Variants in SGCD observed in about 807,000 individuals in gnomAD.
SGCD encodes the protein sarcoglycan delta, also known as delta-sarcoglycan.
SGCD carries 18 observed loss-of-function variants against 36.6 expected under a neutral mutation model. That is an observed-to-expected ratio of 0.49 (90% CI 0.34 to 0.73). The LOEUF is 0.73. Among genes scored for constraint, SGCD ranks in the 30% least tolerant of loss-of-function variants. The probability of loss-of-function intolerance (pLI) is 0.01; values close to 1 mark genes in which losing one functional copy is unlikely to be tolerated. For synonymous variants in SGCD, 133 were observed against 130.6 expected, an observed-to-expected ratio of 1.02 and a Z score of -0.12; for missense variants, 387 against 346.7, an observed-to-expected ratio of 1.12 and a Z score of -0.92.
chr5:156,082,681 G>A (rs1185560602), intron 1 of SGCD, among the ~76,000 whole-genome samples: 3 of 152,134 alleles, frequency 2.0e-5, no homozygotes, highest in South Asian at 4.1e-4. Context: ...CAAGTACAAT[G>A]AATATTCGTG....
chr5:156,200,367 T>C (rs906431613), intron 3 of SGCD, among the ~76,000 whole-genome samples: 20 of 152,056 alleles, frequency 1.3e-4, no homozygotes, highest in African/African-American at 4.6e-4. Flanking sequence ...CCTTTGCATA[T>C]ATGGGCAAAT....
At chr5:156,532,138 A>G (rs913923486) in intron 4 of SGCD, among the ~76,000 whole-genome samples, 16 of 152,224 alleles carry the variant, frequency 1.1e-4, no homozygotes, top group African/African-American at 3.9e-4. Context: ...AAAGGTATGG[A>G]CACTAAAACT....
intron 3 of SGCD, among the ~76,000 whole-genome samples, chr5:156,186,657 G>C (rs901630943): frequency 1.3e-5 from 2 of 152,150 alleles, no homozygotes; most frequent in South Asian, 4.1e-4. Context: ...GAGTTATGCT[G>C]CTTTCTTGGG....
intron 3 of SGCD, among the ~76,000 whole-genome samples, chr5:156,290,910 C>T (rs182873237): frequency 6.6e-6 from 1 of 152,192 alleles, no homozygotes; most frequent in East Asian, 1.9e-4. Context: ...AAATTTTAGG[C>T]TTTGTTGGAC....
At chr5:156,637,677 G>A (rs1201918562) in intron 6 of SGCD, among the ~76,000 whole-genome samples, 1 of 152,010 alleles carries the variant, frequency 6.6e-6, no homozygotes, top group Non-Finnish European at 1.5e-5. Context: ...ATAATACTAG[G>A]ATTTTCTTGG....
chr5:155,942,360 A>ATCTATCTATCTG (rs1159223438), intron 1 of SGCD, among the ~76,000 whole-genome samples: 1 of 151,784 alleles, frequency 6.6e-6, no homozygotes, highest in East Asian at 1.9e-4. Context: ...CTATCTATCT[A>ATCTATCTATCTG]TCTATTGTCT....
At chr5:156,618,187 G>T (rs1762092101) in intron 6 of SGCD, among the ~76,000 whole-genome samples, 1 of 152,162 alleles carries the variant, frequency 6.6e-6, no homozygotes, top group Admixed American at 6.5e-5. Context: ...AAACCTTGAT[G>T]CCTGGGAAAT....
chr5:156,244,315 A>G (rs1765386805), intron 3 of SGCD, among the ~76,000 whole-genome samples: 1 of 152,232 alleles, frequency 6.6e-6, no homozygotes, highest in African/African-American at 2.4e-5. Flanking sequence ...GGCCCAGGGC[A>G]ATAGTGTCCT....
At chr5:156,542,949 T>C (rs74598751) in intron 4 of SGCD, among the ~76,000 whole-genome samples, 1 of 152,132 alleles carries the variant, frequency 6.6e-6, no homozygotes, top group Admixed American at 6.6e-5. Context: ...GTAATCTATG[T>C]ATGTGAATTC....
At chr5:156,061,214 T>C (rs1760197543) in intron 1 of SGCD, among the ~76,000 whole-genome samples, 1 of 145,622 alleles carries the variant, frequency 6.9e-6, no homozygotes, top group Non-Finnish European at 1.5e-5. Flanking sequence ...TTCCCAGTGT[T>C]ATCCAAACCA....
intron 7 of SGCD, among the ~76,000 whole-genome samples, chr5:156,694,753 T>C (rs533624680): frequency 2.0e-5 from 3 of 152,278 alleles, no homozygotes; most frequent in African/African-American, 7.2e-5. Context: ...ATTGATATGA[T>C]ACATTTTTTT....
intron 3 of SGCD, among the ~76,000 whole-genome samples, chr5:156,430,040 C>T (rs1773864150): frequency 6.6e-6 from 1 of 152,160 alleles, no homozygotes; most frequent in South Asian, 2.1e-4. Flanking sequence ...TCCCAAGAGT[C>T]TTTGAGCTTT....
chr5:156,274,584 G>A (rs1195530864), intron 3 of SGCD, among the ~76,000 whole-genome samples: 1 of 152,068 alleles, frequency 6.6e-6, no homozygotes, highest in African/African-American at 2.4e-5. Flanking sequence ...CCTCTAATGT[G>A]GCTCCAGAGT....
intron 1 of SGCD, among the ~76,000 whole-genome samples, chr5:155,918,981 AG>A (rs1218082332): frequency 7.5e-4 from 114 of 152,368 alleles, no homozygotes; most frequent in South Asian, 2.9e-3. Flanking sequence ...AAAAGCTTCC[AG>A]ATTACTGATT....
chr5:156,037,961 G>A (rs945741379), intron 1 of SGCD, among the ~76,000 whole-genome samples: 5 of 152,120 alleles, frequency 3.3e-5, no homozygotes, highest in African/African-American at 9.7e-5. Context: ...TTTGAGGAGA[G>A]TCAAAGGTTA....
intron 3 of SGCD, among the ~76,000 whole-genome samples, chr5:156,145,118 A>G (rs1762679755): frequency 6.6e-6 from 1 of 152,092 alleles, no homozygotes; most frequent in South Asian, 2.1e-4. Context: ...ATGGGAGGTG[A>G]TTGAGTCATG....
At chr5:156,186,732 C>G (rs1173138789) in intron 3 of SGCD, among the ~76,000 whole-genome samples, 1 of 152,208 alleles carries the variant, frequency 6.6e-6, no homozygotes, top group Non-Finnish European at 1.5e-5. Flanking sequence ...CTTGTCACAT[C>G]TGAACTTGTT....
intron 3 of SGCD, among the ~76,000 whole-genome samples, chr5:156,242,067 A>G (rs986009728): frequency 5.9e-5 from 9 of 152,224 alleles, no homozygotes; most frequent in African/African-American, 1.9e-4. Flanking sequence ...ACGAATGTTT[A>G]TAACAGTTTT....
chr5:156,183,194 G>A (rs1763650397), intron 3 of SGCD, among the ~76,000 whole-genome samples: 1 of 152,114 alleles, frequency 6.6e-6, no homozygotes, highest in Admixed American at 6.5e-5. Flanking sequence ...AGCTGTCCCA[G>A]CTAAGACCAT....
Sources: gnomAD v4.1 joint callset for allele counts (sites outside exome capture counted in the v4.1 genomes callset) on GRCh38, gnomAD v4.1.1 for gene constraint, MANE v1.5 for transcripts, NCBI Gene and HGNC (gene_info 2026-07-23, HGNC 2026-07-21) for gene names.